Variants in NPAT observed in about 807,000 individuals in gnomAD.
NPAT encodes protein NPAT.
Under a neutral mutation model 130.7 loss-of-function variants are expected in NPAT, and 52 were observed. That is an observed-to-expected ratio of 0.40 (90% CI 0.32 to 0.50). The LOEUF is 0.50. Ranked by LOEUF, NPAT falls within the 20% of genes least tolerant of loss-of-function variation. The probability of loss-of-function intolerance (pLI) is 0.68; values close to 1 mark genes in which losing one functional copy is unlikely to be tolerated. For synonymous variants in NPAT, 580 were observed against 584.8 expected (o/e 0.99, Z 0.12); for missense variants, 1,687 against 1,662.6 (o/e 1.01, Z -0.26).
Position 108,204,228 on chromosome 11 carries a change from A to G in NPAT, c.38-6808T>C, listed in dbSNP as rs1320514567. 2.6e-5 allele frequency among the ~76,000 whole-genome samples: 4 copies of G among 152,198 alleles called. No individual in the cohort carries two copies. In the East Asian group the frequency reaches 5.8e-4, roughly 22 times the overall value. On this transcript the variant is annotated intron_variant, in intron 1 of 17. Coordinates refer to ENST00000278612, the MANE Select transcript of NPAT (RefSeq NM_002519.3). ...CAACATTCAAGTCAAAGGTGGCCTG[A>G]AGCCTGAAAACTGCATGCCAGTTCC...
intron 15 of NPAT, among the ~76,000 whole-genome samples, chr11:108,169,280 G>C (rs2134830259): frequency 6.6e-6 from 1 of 152,302 alleles, no homozygotes; most frequent in Admixed American, 6.5e-5. Context: ...TCCAGTACCA[G>C]CAGCACTGGC....
At chr11:108,182,277 T>C (rs2078065488) in intron 10 of NPAT, among the ~76,000 whole-genome samples, 1 of 152,162 alleles carries the variant, frequency 6.6e-6, no homozygotes, top group African/African-American at 2.4e-5. Context: ...ATTGGTACTA[T>C]TGACACAGGA....
intron 1 of NPAT, among the ~76,000 whole-genome samples, chr11:108,211,343 A>G (rs1322795888): frequency 7.5e-6 from 1 of 133,522 alleles, no homozygotes; most frequent in African/African-American, 2.9e-5. Flanking sequence ...GGAGTTCCAG[A>G]CCAGCCTGGG....
At chr11:108,179,329 G>A (rs1176194556) in intron 10 of NPAT, among the ~76,000 whole-genome samples, 2 of 151,824 alleles carry the variant, frequency 1.3e-5, no homozygotes, top group East Asian at 1.9e-4. Context: ...GTGCAATGGC[G>A]CAATCTCATC....
intron 9 of NPAT, 21 bp from the exon 10 acceptor site, chr11:108,185,340 ATCTT>A: frequency 6.3e-7 from 1 of 1,581,558 alleles, no homozygotes; most frequent in Non-Finnish European, 8.7e-7. Context: ...AGAAAGAAAA[ATCTT>A]TATTATAGTT....
chr11:108,186,643 A>G, intron 7 of NPAT, 74 bp from the exon 8 acceptor site: 1 of 1,224,936 alleles, frequency 8.2e-7, no homozygotes, highest in Non-Finnish European at 1.2e-6. Flanking sequence ...ATATACAGAC[A>G]TAAATTTTAA....
chr11:108,161,179 T>A lies in NPAT; in HGVS notation c.3907A>T (p.Lys1303Ter). Reference sequence around the variant, plus strand: ...GGGGTGACAGGAGGGACCATTACTTTTGATGTACTACTGTCTTCACTGAAA... The same window carrying A: ...GGGGTGACAGGAGGGACCATTACTTATGATGTACTACTGTCTTCACTGAAA... ...RRFSEDSSTS[K>*]VMVPPVTPDL... Residue 1303 changes from lysine to a stop codon, truncating the protein, a stop_gained, in exon 17 of 18, where the codon AAA (lysine) becomes TAA (stop). Coordinates refer to ENST00000278612, the MANE Select transcript of NPAT (RefSeq NM_002519.3). LOFTEE classifies it high-confidence loss of function. 1 of 1,614,138 alleles carries A rather than the reference T, an allele frequency of 6.2e-7. No homozygotes were observed. Among genetic ancestry groups the A allele is most frequent in the Non-Finnish European group, 8.5e-7 (1 of 1,180,024 alleles).
chr11:108,159,102 G>C lies in NPAT; in HGVS notation c.4207-83C>G. ...TAAGTCACCTAAAACAGTATATTGGGTTCTTTCACATACTACTAAAATTGT... is the reference window on the plus strand; with the variant it reads ...TAAGTCACCTAAAACAGTATATTGGCTTCTTTCACATACTACTAAAATTGT... On this transcript the variant is annotated intron_variant, in intron 17 of 17. Coordinates refer to ENST00000278612, the MANE Select transcript of NPAT (RefSeq NM_002519.3). 3 of 821,630 alleles carry C rather than the reference G, an allele frequency of 3.7e-6. No individual in the cohort carries two copies. The South Asian group carries it at 4.3e-5, about 12-fold the overall frequency. The allele number at this position is 821,630 out of a possible 1,614,324, so 50.9% of individuals were successfully genotyped here.
At position 108,176,339 on chromosome 11, in the gene NPAT, T is replaced by C. The variant is rs2078005912; in HGVS notation, c.1039A>G (p.Ile347Val). The C allele has an allele frequency of 6.4e-7, 1 of 1,553,914 alleles. No homozygotes were observed. The highest frequency in any genetic ancestry group is 8.9e-7 in the Non-Finnish European group (1 of 1,125,742). The change falls in exon 12 of 18, where the codon ATT becomes GTT. Residue 347 changes from isoleucine (I) to valine (V), a missense_variant. Ile to Val is a conservative substitution (Grantham distance 29). Transcript: ENST00000278612. ...TTGGATTCCATAGGTTGACTGGAAA[T>C]ACTTTGTGATATATTTTTATTATTC... Reference protein sequence around the residue: ...TKNNKNISQSISSQPMESNPS... With the variant: ...TKNNKNISQSVSSQPMESNPS...
intron 1 of NPAT, among the ~76,000 whole-genome samples, chr11:108,219,616 C>CA (rs1484451456): frequency 2.0e-5 from 3 of 151,942 alleles, no homozygotes; most frequent in Non-Finnish European, 4.4e-5. Flanking sequence ...ACTAATAAAA[C>CA]AAAAAACCAA....
intron 1 of NPAT, among the ~76,000 whole-genome samples, chr11:108,202,813 G>A (rs543229448): frequency 3.2e-4 from 49 of 152,284 alleles, no homozygotes; most frequent in Non-Finnish European, 1.9e-4. Context: ...AGTGTGGGTA[G>A]ATATCTTCAC....
chr11:108,221,987 C>T (rs969336118), intron 1 of NPAT, among the ~76,000 whole-genome samples: 4 of 152,130 alleles, frequency 2.6e-5, no homozygotes, highest in South Asian at 2.1e-4. Flanking sequence ...CGACGTATTG[C>T]GTGGAGGATG....
chr11:108,183,572 T>C (rs1452065325), intron 10 of NPAT, among the ~76,000 whole-genome samples: 1 of 152,124 alleles, frequency 6.6e-6, no homozygotes, highest in Non-Finnish European at 1.5e-5. Flanking sequence ...GAGGCCGAGT[T>C]AGGCAGATCA....
chr11:108,203,726 C>T (rs1159489968), intron 1 of NPAT, among the ~76,000 whole-genome samples: 1 of 152,162 alleles, frequency 6.6e-6, no homozygotes, highest in Non-Finnish European at 1.5e-5. Context: ...CTCCCCTAAA[C>T]AGTTATTTTT....
rs2078139517 is a variant in NPAT at position 108,189,235 on chromosome 11, G to A, written c.427C>T (p.Leu143Phe). Residue 143 changes from leucine (L) to phenylalanine (F), a missense_variant, in exon 6 of 18, where the codon CTT (leucine) becomes TTT (phenylalanine). Coordinates refer to ENST00000278612, the MANE Select transcript of NPAT (RefSeq NM_002519.3). ...ASAELLTLPY[L>F]SGQFTTPPST... is the part of the protein sequence containing the mutation. Reference sequence around the variant, plus strand: ...GGAGGAGTGGTAAACTGTCCTGAAAGGTAAGGTAAAGTGAGCAACTCTGCA... The same window carrying A: ...GGAGGAGTGGTAAACTGTCCTGAAAAGTAAGGTAAAGTGAGCAACTCTGCA... The A allele has an allele frequency of 6.2e-7, 1 of 1,614,148 alleles. No individual in the cohort carries two copies. The highest frequency in any genetic ancestry group is 1.1e-5 in the South Asian group (1 of 91,084).
intron 10 of NPAT, among the ~76,000 whole-genome samples, chr11:108,178,052 T>C (rs1286031908): frequency 6.6e-6 from 1 of 152,234 alleles, no homozygotes; most frequent in Non-Finnish European, 1.5e-5. Context: ...CTACTTTCTT[T>C]ACATTACTCT....
intron 10 of NPAT, among the ~76,000 whole-genome samples, chr11:108,184,888 G>T (rs1481221568): frequency 6.6e-6 from 1 of 152,064 alleles, no homozygotes; most frequent in African/African-American, 2.4e-5. Context: ...TATACAATTT[G>T]TAGCAGTGTA....
intron 1 of NPAT, among the ~76,000 whole-genome samples, chr11:108,215,275 A>T (rs1460580949): frequency 6.8e-6 from 1 of 146,100 alleles, no homozygotes; most frequent in Non-Finnish European, 1.5e-5. Flanking sequence ...CTGGCATAAT[A>T]GTCAGTAAGT....
At chr11:108,179,785 T>C (rs2078042620) in intron 10 of NPAT, among the ~76,000 whole-genome samples, 1 of 151,556 alleles carries the variant, frequency 6.6e-6, no homozygotes, top group Non-Finnish European at 1.5e-5. Flanking sequence ...CTCACCTCTA[T>C]AAATAGAAAT....
Sources: allele counts gnomAD v4.1 joint callset (sites outside exome capture counted in the v4.1 genomes callset), GRCh38; gene constraint gnomAD v4.1.1; transcripts MANE v1.5; gene names NCBI Gene and HGNC (gene_info 2026-07-23, HGNC 2026-07-21).